Variants in METTL15 observed in about 807,000 individuals in gnomAD.
METTL15 encodes the protein methyltransferase 15, mitochondrial 12S rRNA N4-cytidine, also known as 12S rRNA N(4)-cytidine methyltransferase METTL15.
In METTL15, 34 loss-of-function variants were observed where a neutral mutation model predicts 38.3. That is an observed-to-expected ratio of 0.89 (90% confidence interval 0.68 to 1.18). The LOEUF (loss-of-function observed/expected upper bound fraction) is 1.18. Ranked by LOEUF, METTL15 falls within the 50% of genes most tolerant of loss-of-function variation. The pLI, the probability that METTL15 is intolerant of heterozygous loss-of-function variation, is 0.00. For missense variants in METTL15, 438 were observed against 498.4 expected, an observed-to-expected ratio of 0.88 and a Z score of 1.15; for synonymous variants, 162 against 170.9, an observed-to-expected ratio of 0.95 and a Z score of 0.41.
At chr11:28,349,463 T>C (rs1850023899) in intron 3 of METTL15, among the ~76,000 whole-genome samples, 1 of 152,334 alleles carries the variant, frequency 6.6e-6, no homozygotes, top group South Asian at 2.1e-4. Flanking sequence ...GAGGAAGATA[T>C]AGAGCTACTA....
intron 6 of METTL15, among the ~76,000 whole-genome samples, chr11:28,320,678 A>G (rs942535301): frequency 1.3e-5 from 2 of 152,210 alleles, no homozygotes; most frequent in African/African-American, 2.4e-5. Flanking sequence ...TACAAGTTGT[A>G]TATCTCAGGT....
chr11:28,490,049 A>G (rs12577283), intron 6 of METTL15, among the ~76,000 whole-genome samples: 63,032 of 151,948 alleles, frequency 0.41, 15,038 homozygotes, highest in Admixed American at 0.53. Context: ...AGGAGAGGGA[A>G]GAAGGGGAGG....
chr11:28,442,728 G>C (rs1397483690), intron 6 of METTL15, among the ~76,000 whole-genome samples: 1 of 152,088 alleles, frequency 6.6e-6, no homozygotes, highest in Admixed American at 6.6e-5. Flanking sequence ...GAAATCCATG[G>C]CAAATTTTTC....
intron 3 of METTL15, among the ~76,000 whole-genome samples, chr11:28,134,395 T>C (rs1406595474): frequency 1.3e-5 from 2 of 152,198 alleles, no homozygotes; most frequent in African/African-American, 4.8e-5. Context: ...CGTGCGTATG[T>C]GGGCTCTTAG....
intron 6 of METTL15, among the ~76,000 whole-genome samples, chr11:28,485,148 C>A (rs1193355160): frequency 2.0e-5 from 3 of 151,866 alleles, no homozygotes; most frequent in African/African-American, 4.8e-5. Flanking sequence ...CACTCACACC[C>A]CACAGAGCCA....
At chr11:28,433,347 G>A (rs1850952385) in intron 6 of METTL15, among the ~76,000 whole-genome samples, 1 of 152,140 alleles carries the variant, frequency 6.6e-6, no homozygotes, top group Admixed American at 6.5e-5. Flanking sequence ...ATCCCAATAA[G>A]AGAGGAAGAA....
chr11:28,484,326 G>A (rs1044510945), intron 6 of METTL15, among the ~76,000 whole-genome samples: 2 of 152,118 alleles, frequency 1.3e-5, no homozygotes, highest in African/African-American at 4.8e-5. Context: ...GAATATGGAC[G>A]TAGGCAGTCT....
intron 6 of METTL15, among the ~76,000 whole-genome samples, chr11:28,468,523 C>A (rs1437445246): frequency 6.6e-6 from 1 of 152,084 alleles, no homozygotes; most frequent in Non-Finnish European, 1.5e-5. Flanking sequence ...TTTTAAGAGA[C>A]CAAGGGGTTG....
intron 6 of METTL15, among the ~76,000 whole-genome samples, chr11:28,518,452 G>A (rs967860567): frequency 1.3e-5 from 2 of 152,206 alleles, no homozygotes; most frequent in Non-Finnish European, 2.9e-5. Flanking sequence ...TAGCAGCGAG[G>A]TGGCTGCATC....
At chr11:28,390,175 G>C (rs1385720176) in intron 5 of METTL15, among the ~76,000 whole-genome samples, 1 of 151,908 alleles carries the variant, frequency 6.6e-6, no homozygotes, top group African/African-American at 2.4e-5. Flanking sequence ...CCATTCTGTA[G>C]GTTGCCTGTT....
intron 5 of METTL15, among the ~76,000 whole-genome samples, chr11:28,397,224 A>G (rs1257981037): frequency 1.5e-4 from 23 of 152,100 alleles, no homozygotes; most frequent in Non-Finnish European, 3.1e-4. Flanking sequence ...TGGCAACAAA[A>G]GCCAAAATTG....
intron 6 of METTL15, among the ~76,000 whole-genome samples, chr11:28,441,996 G>A (rs1380310027): frequency 6.6e-6 from 1 of 152,188 alleles, no homozygotes. Flanking sequence ...GTTGAGTGTA[G>A]GAAGAAGAGA....
At chr11:28,315,886 A>G (rs1338487593) in intron 6 of METTL15, among the ~76,000 whole-genome samples, 2 of 152,200 alleles carry the variant, frequency 1.3e-5, no homozygotes, top group Admixed American at 1.3e-4. Flanking sequence ...GGTGCACAGA[A>G]GTCAAGAATT....
chr11:28,113,469 C>T lies in METTL15; in HGVS notation c.135C>T (p.Ala45=). The T allele has an allele frequency of 6.2e-7, 1 of 1,611,860 alleles. No homozygotes were observed. ...TTAEKYREYE[A]REQTDQTQAQ... Reference sequence around the variant, plus strand: ...CAGAAAAATATAGAGAATATGAAGCCCGGGAGCAAACAGATCAAACTCAAG... The same window carrying T: ...CAGAAAAATATAGAGAATATGAAGCTCGGGAGCAAACAGATCAAACTCAAG... Residue 45 remains alanine (A), a synonymous_variant, in exon 3 of 7, where the codon GCC becomes GCT. Transcript: ENST00000407364.
chr11:28,332,232 A>G lies in METTL15; in HGVS notation c.*1391A>G, dbSNP rs1450663163. The stretch of plus-strand genomic sequence containing the variant: ...TACAGGGAAATCAGAATTAGGAAAA[A>G]AATCTGGAGAACAATATGGTTGAAA... On this transcript the variant is annotated 3_prime_UTR_variant, in exon 7 of 7. Transcript: ENST00000407364. 4 of 152,202 alleles carry G rather than the reference A, an allele frequency of 2.6e-5. No individual in the cohort carries two copies. Among genetic ancestry groups the G allele is most frequent in the Non-Finnish European group, 5.9e-5 (4 of 68,040 alleles). The allele number at this position is 152,202 out of a possible 1,614,324, so 9.4% of individuals were successfully genotyped here. A position where few individuals can be genotyped will look rare whatever the true frequency, so the allele number is the denominator to read the frequency against.
chr11:28,396,694 C>T (rs1202732884), intron 5 of METTL15, among the ~76,000 whole-genome samples: 4 of 152,034 alleles, frequency 2.6e-5, no homozygotes, highest in Non-Finnish European at 5.9e-5. Flanking sequence ...CAATGCCATC[C>T]CCATCAAGCT....
At chr11:28,498,739 A>G (rs1166265662) in intron 6 of METTL15, among the ~76,000 whole-genome samples, 2 of 152,172 alleles carry the variant, frequency 1.3e-5, no homozygotes, top group African/African-American at 4.8e-5. Flanking sequence ...TTATCATCCA[A>G]TTATTAGTTA....
intron 2 of METTL15, among the ~76,000 whole-genome samples, chr11:28,110,621 T>A (rs1476286225): frequency 6.6e-6 from 1 of 152,192 alleles, no homozygotes; most frequent in African/African-American, 2.4e-5. Flanking sequence ...TTTTTCTCTT[T>A]CCTTAGAACC....
chr11:28,403,643 TA>T (rs947379563), intron 5 of METTL15, among the ~76,000 whole-genome samples: 22 of 151,994 alleles, frequency 1.4e-4, no homozygotes, highest in South Asian at 2.1e-4. Flanking sequence ...ATCTTATCCA[TA>T]AAAAACCACA....
Sources: gnomAD v4.1 joint callset for allele counts (sites outside exome capture counted in the v4.1 genomes callset) on GRCh38, gnomAD v4.1.1 for gene constraint, MANE v1.5 for transcripts, NCBI Gene and HGNC (gene_info 2026-07-23, HGNC 2026-07-21) for gene names.